GCN1: variants seen among roughly 807,000 people sequenced by gnomAD.
GCN1 encodes GCN1 activator of EIF2AK4.
In GCN1, 90 loss-of-function variants were observed where a neutral mutation model predicts 288.4. That is an observed-to-expected ratio of 0.31 (90% CI 0.26 to 0.37). The LOEUF is 0.37. GCN1 is among the 10% of genes least tolerant of loss of function. The pLI is 1.00. For synonymous variants in GCN1, 1,386 were observed against 1,420.2 expected (o/e 0.98, Z 0.54); for missense variants, 2,586 against 3,419.9 (o/e 0.76, Z 6.08).
Position 120,155,545 on chromosome 12 carries a change from A to G in GCN1, c.3440+47T>C, listed in dbSNP as rs367644685. 1,011 of 1,612,384 alleles carry G rather than the reference A, an allele frequency of 6.3e-4. 3 individuals carry two copies. The highest frequency in any genetic ancestry group is 1.4e-3 in the South Asian group (126 of 91,012). On this transcript the variant is annotated intron_variant, in intron 29 of 57. Coordinates refer to ENST00000300648, the MANE Select transcript of GCN1 (RefSeq NM_006836.2). The surrounding 1 kb of genome is among the most constrained non-coding windows in gnomAD (Gnocchi z 4.9). ...CACACTGGGTTCAGTTATTTCCTAA[A>G]GGAAGAGAGGATGCAGCAGGAGAAA...
intron 45 of GCN1, among the ~76,000 whole-genome samples, chr12:120,139,846 A>G (rs1877133171): frequency 6.6e-6 from 1 of 152,168 alleles, no homozygotes; most frequent in African/African-American, 2.4e-5. Context: ...TCAAGTCTCA[A>G]TCCAGACTTT....
At position 120,134,360 on chromosome 12, in the gene GCN1, C is replaced by T. The variant is rs770220364; in HGVS notation, c.7248G>A (p.Gly2416=). 5.6e-6 allele frequency: 9 copies of T among 1,614,048 alleles called. No individual in the cohort carries two copies. The highest frequency in any genetic ancestry group is 4.5e-5 in the East Asian group (2 of 44,878). The change falls in exon 53 of 58, where the codon GGG becomes GGA. Residue 2416 remains glycine, a synonymous_variant. Transcript: ENST00000300648. The surrounding 1 kb of genome is among the most constrained non-coding windows in gnomAD (Gnocchi z 5.0). ...TCCGGATGACGGCATCCACTTTGGCCCCTGCTCCCTGAATCACAAACCTCA... is the reference window on the plus strand; with the variant it reads ...TCCGGATGACGGCATCCACTTTGGCTCCTGCTCCCTGAATCACAAACCTCA... The part of the protein sequence containing the change: ...QALRFVIQGA[G]AKVDAVIRKN...
At chr12:120,181,545 G>C (rs1276365286) in intron 5 of GCN1, among the ~76,000 whole-genome samples, 2 of 144,164 alleles carry the variant, frequency 1.4e-5, no homozygotes. Flanking sequence ...TTTTTTAAAA[G>C]TAGGCTGGGC....
At chr12:120,184,689 G>A in intron 3 of GCN1, 135 bp downstream of exon 3, 1 of 716,524 alleles carries the variant, frequency 1.4e-6, no homozygotes. Flanking sequence ...ACTTGCCCAG[G>A]ATCTAATGGC....
At chr12:120,164,557 C>T (rs1594277468) in intron 17 of GCN1, 62 bp from the exon 18 acceptor site, 3 of 1,599,034 alleles carry the variant, frequency 1.9e-6, no homozygotes, top group Admixed American at 3.3e-5. Flanking sequence ...CCACAGCCAA[C>T]CCTTCCACCT....
At chr12:120,168,097 G>A in intron 16 of GCN1, 111 bp downstream of exon 16, 2 of 741,286 alleles carry the variant, frequency 2.7e-6, no homozygotes, top group Non-Finnish European at 4.9e-6. Context: ...AGATCACTCT[G>A]GCCCAGGTTT....
At chr12:120,152,389 G>A (rs1228273504) in intron 33 of GCN1, among the ~76,000 whole-genome samples, 50 of 116,576 alleles carry the variant, frequency 4.3e-4, no homozygotes, top group African/African-American at 1.3e-3. Flanking sequence ...ACACACACGC[G>A]CACACACACA....
At position 120,137,483 on chromosome 12, in the gene GCN1, C is replaced by G; in HGVS notation, c.6663+62G>C. 1 of 1,563,282 alleles carries G rather than the reference C, an allele frequency of 6.4e-7. No individual in the cohort carries two copies. The highest frequency in any genetic ancestry group is 2.3e-5 in the East Asian group (1 of 44,444). On this transcript the variant is annotated intron_variant, in intron 49 of 57. Coordinates refer to ENST00000300648, the MANE Select transcript of GCN1 (RefSeq NM_006836.2). This position sits in a 1 kb window ranked among gnomAD's most constrained non-coding sequence, Gnocchi z 5.2. ...CGTGGGGGATTCTTATAAGTCTATT[C>G]CTGTAAATGTCTGGAATTTTCTAAA...
At chr12:120,176,246 T>A in intron 9 of GCN1, 29 bp from the exon 10 acceptor site, 1 of 1,436,616 alleles carries the variant, frequency 7.0e-7, no homozygotes, top group Non-Finnish European at 9.8e-7. Context: ...ACTGACCATG[T>A]CAGTCTAAGC....
At chr12:120,152,395 A>ACGCG (rs1877588908) in intron 33 of GCN1, among the ~76,000 whole-genome samples, 1 of 135,704 alleles carries the variant, frequency 7.4e-6, no homozygotes, top group African/African-American at 2.8e-5. Context: ...ACGCGCACAC[A>ACGCG]CACACACACA....
At chr12:120,187,737 G>A (rs1481439793) in intron 2 of GCN1, among the ~76,000 whole-genome samples, 1 of 152,082 alleles carries the variant, frequency 6.6e-6, no homozygotes, top group African/African-American at 2.4e-5. Context: ...TGGGGCTACA[G>A]CACCTCCAGG....
chr12:120,169,484 G>C (rs1243711422), intron 15 of GCN1, among the ~76,000 whole-genome samples: 1 of 151,570 alleles, frequency 6.6e-6, no homozygotes. Flanking sequence ...AACACACTAT[G>C]TCTGGACATA....
chr12:120,182,950 A>AC (rs1346069448), intron 5 of GCN1, among the ~76,000 whole-genome samples: 21 of 151,718 alleles, frequency 1.4e-4, no homozygotes, highest in African/African-American at 4.6e-4. Flanking sequence ...AAAAAAAAAA[A>AC]AACTACTCCT....
At chr12:120,168,441 G>C in intron 15 of GCN1, 141 bp from the exon 16 acceptor site, 1 of 643,956 alleles carries the variant, frequency 1.6e-6, no homozygotes, top group Non-Finnish European at 2.8e-6. Context: ...TCCATTTGGG[G>C]AACTGACCTC....
At chr12:120,181,488 A>T (rs887586054) in intron 5 of GCN1, among the ~76,000 whole-genome samples, 1 of 146,460 alleles carries the variant, frequency 6.8e-6, no homozygotes, top group Non-Finnish European at 1.5e-5. Flanking sequence ...AAAAAAAAAG[A>T]AGTCTGCAGA....
intron 53 of GCN1, among the ~76,000 whole-genome samples, chr12:120,132,916 G>A (rs1398386183): frequency 6.6e-6 from 1 of 152,214 alleles, no homozygotes. Flanking sequence ...CAGGTGCCAA[G>A]CTAAAGCTGG....
chr12:120,161,085 T>A (rs1266284645), intron 22 of GCN1, among the ~76,000 whole-genome samples: 1 of 152,190 alleles, frequency 6.6e-6, no homozygotes, highest in African/African-American at 2.4e-5. Flanking sequence ...TGTCAGAACC[T>A]GCTCTGCCCA....
In GCN1 at chr12:120,134,203, G is replaced by A; in HGVS notation, c.7317+88C>T. The A allele has an allele frequency of 1.2e-6, 1 of 831,942 alleles. No homozygotes were observed. The highest frequency in any genetic ancestry group is 2.4e-5 in the East Asian group (1 of 40,966). 51.5% of individuals were successfully genotyped at this position (831,942 alleles called of 1,614,324 possible). A position where few individuals can be genotyped will look rare whatever the true frequency, so the allele number is the denominator to read the frequency against. ...TGCTTATTACTACTGAGCTGTACTGGTTCTAACACAAAGTGAAGAACTCAA... is the reference window on the plus strand; with the variant it reads ...TGCTTATTACTACTGAGCTGTACTGATTCTAACACAAAGTGAAGAACTCAA... On this transcript the variant is annotated intron_variant, in intron 53 of 57. Coordinates refer to ENST00000300648, the MANE Select transcript of GCN1 (RefSeq NM_006836.2). This position sits in a 1 kb window ranked among gnomAD's most constrained non-coding sequence, Gnocchi z 5.0.
Position 120,153,804 on chromosome 12 carries a change from G to T in GCN1, c.3807C>A (p.His1269Gln). The change falls in exon 32 of 58, where the codon CAC becomes CAA. Residue 1269 changes from histidine (H) to glutamine (Q), a missense_variant. Physicochemically the swap from His to Gln is conservative, Grantham distance 24. Coordinates refer to ENST00000300648, the MANE Select transcript of GCN1 (RefSeq NM_006836.2). The surrounding 1 kb of genome is among the most constrained non-coding windows in gnomAD (Gnocchi z 4.4). ...FFVPDALNDRHPDVRKCMLDA... is the reference protein window; with the variant it reads ...FFVPDALNDRQPDVRKCMLDA... ...CCAACATGCACTTCCGGACATCTGGGTGTCGGTCATTGAGGGCATCAGGGA... is the reference window on the plus strand; with the variant it reads ...CCAACATGCACTTCCGGACATCTGGTTGTCGGTCATTGAGGGCATCAGGGA... The T allele has an allele frequency of 1.9e-6, 3 of 1,614,112 alleles. No homozygotes were observed. The highest frequency in any genetic ancestry group is 2.5e-6 in the Non-Finnish European group (3 of 1,179,954).
Sources: gnomAD v4.1 joint callset for allele counts (sites outside exome capture counted in the v4.1 genomes callset) on GRCh38, gnomAD v4.1.1 for gene constraint, Gnocchi (gnomAD v3.1) non-coding constraint, MANE v1.5 for transcripts, NCBI Gene and HGNC (gene_info 2026-07-23, HGNC 2026-07-21) for gene names.